Variants in IL1RAPL2 observed in about 807,000 individuals in gnomAD.
IL1RAPL2 encodes interleukin 1 receptor accessory protein like 2.
A neutral mutation model predicts 44.1 loss-of-function variants in IL1RAPL2; 3 were observed. The ratio of observed to expected loss-of-function variants is 0.07; its 90% CI spans 0.03 to 0.18. The LOEUF is 0.18. Ranked by LOEUF, IL1RAPL2 falls within the 10% of genes least tolerant of loss-of-function variation. IL1RAPL2 has a pLI of 1.00. For synonymous variants in IL1RAPL2, 181 were observed against 178.8 expected, an observed-to-expected ratio of 1.01 and a Z score of -0.10; for missense variants, 391 against 496.4, an observed-to-expected ratio of 0.79 and a Z score of 2.02.
chrX:105,615,962 G>A (rs773333621), intron 6 of IL1RAPL2, among the ~76,000 whole-genome samples: 1 of 111,006 alleles, frequency 9.0e-6, no homozygotes, highest in Admixed American at 9.6e-5. Flanking sequence ...CACCTACTAT[G>A]TACCCACAAA....
intron 6 of IL1RAPL2, among the ~76,000 whole-genome samples, chrX:105,673,178 T>C (rs1240582118): frequency 1.8e-5 from 2 of 111,907 alleles, no homozygotes; most frequent in African/African-American, 6.5e-5. Flanking sequence ...TTTTTAGTTT[T>C]AGTTCTGGGG....
chrX:105,344,916 T>C (rs1384847703), intron 5 of IL1RAPL2, among the ~76,000 whole-genome samples: 1 of 111,895 alleles, frequency 8.9e-6, no homozygotes, highest in Admixed American at 9.5e-5. Context: ...GAAGTATGAC[T>C]ATGAACATTT....
chrX:104,964,311 T>G (rs865905255), intron 2 of IL1RAPL2, among the ~76,000 whole-genome samples: 4 of 106,988 alleles, frequency 3.7e-5, no homozygotes, highest in African/African-American at 1.4e-4. Flanking sequence ...TTTATTTATT[T>G]ATTTATTTTA....
At chrX:104,767,371 C>A (rs1932575634) in intron 2 of IL1RAPL2, among the ~76,000 whole-genome samples, 2 of 111,801 alleles carry the variant, frequency 1.8e-5, no homozygotes, top group African/African-American at 3.3e-5. Flanking sequence ...TAGAAATAAC[C>A]AAACTGATTT....
chrX:105,202,012 A>G (rs2033721794), intron 3 of IL1RAPL2, among the ~76,000 whole-genome samples: 1 of 112,118 alleles, frequency 8.9e-6, no homozygotes, highest in Non-Finnish European at 1.9e-5. Context: ...GCAATTTGAT[A>G]ATCTACTTGT....
At chrX:104,798,681 A>G (rs1267098816) in intron 2 of IL1RAPL2, among the ~76,000 whole-genome samples, 1 of 110,465 alleles carries the variant, frequency 9.1e-6, no homozygotes, top group Non-Finnish European at 1.9e-5. Context: ...AAAATTTACA[A>G]GCTCATTTTT....
At chrX:105,118,809 C>G (rs2032889685) in intron 2 of IL1RAPL2, among the ~76,000 whole-genome samples, 1 of 112,085 alleles carries the variant, frequency 8.9e-6, no homozygotes, top group Non-Finnish European at 1.9e-5. Flanking sequence ...AAATGTTCAT[C>G]ATGTGCCATA....
chrX:104,799,003 A>G (rs1022521569), intron 2 of IL1RAPL2, among the ~76,000 whole-genome samples: 9 of 111,037 alleles, frequency 8.1e-5, no homozygotes, highest in Non-Finnish European at 1.7e-4. Context: ...TTATTATTAT[A>G]TATATGTTCT....
At chrX:105,513,248 T>A (rs2036484885) in intron 6 of IL1RAPL2, among the ~76,000 whole-genome samples, 1 of 111,842 alleles carries the variant, frequency 8.9e-6, no homozygotes, top group Non-Finnish European at 1.9e-5. Flanking sequence ...TGTGTCTTTA[T>A]AGTAGAATTA....
intron 2 of IL1RAPL2, among the ~76,000 whole-genome samples, chrX:104,704,191 G>A (rs1931326892): frequency 9.0e-6 from 1 of 111,652 alleles, no homozygotes; most frequent in African/African-American, 3.3e-5. Context: ...CTAATGTCAG[G>A]GATTGGACCT....
chrX:104,598,960 A>C (rs1162249908), intron 1 of IL1RAPL2, among the ~76,000 whole-genome samples: 1 of 112,462 alleles, frequency 8.9e-6, no homozygotes, highest in Non-Finnish European at 1.9e-5. Context: ...AAATGTCTTC[A>C]TTTATAAAGG....
At chrX:104,943,154 C>T (rs1569347482) in intron 2 of IL1RAPL2, among the ~76,000 whole-genome samples, 1 of 111,218 alleles carries the variant, frequency 9.0e-6, no homozygotes, top group African/African-American at 3.3e-5. Context: ...CTCAAATTCT[C>T]TTTTTTTAAT....
chrX:105,493,649 G>A (rs2036336820), intron 6 of IL1RAPL2, among the ~76,000 whole-genome samples: 1 of 111,179 alleles, frequency 9.0e-6, no homozygotes, highest in African/African-American at 3.3e-5. Context: ...CTAGTAAGCA[G>A]CTTGAAAGTA....
chrX:105,027,517 G>T (rs1255336970), intron 2 of IL1RAPL2, among the ~76,000 whole-genome samples: 1 of 111,694 alleles, frequency 9.0e-6, no homozygotes, highest in Non-Finnish European at 1.9e-5. Context: ...ATAGGCAAAT[G>T]ATTTGAATAG....
At chrX:105,181,632 C>T (rs919856909) in intron 2 of IL1RAPL2, among the ~76,000 whole-genome samples, 1 of 111,752 alleles carries the variant, frequency 8.9e-6, no homozygotes, top group Non-Finnish European at 1.9e-5. Context: ...CAAAGTTCCT[C>T]TTGTTTATTT....
At chrX:104,729,536 A>G (rs1203326613) in intron 2 of IL1RAPL2, among the ~76,000 whole-genome samples, 2 of 101,141 alleles carry the variant, frequency 2.0e-5, no homozygotes, top group Non-Finnish European at 3.9e-5. Flanking sequence ...TTTCATGGGT[A>G]CATATACAGG....
chrX:105,239,207 C>G (rs2034148116), intron 4 of IL1RAPL2, among the ~76,000 whole-genome samples: 1 of 112,251 alleles, frequency 8.9e-6, no homozygotes, highest in East Asian at 2.8e-4. Context: ...TGATACTTCT[C>G]TGTTTAGCCA....
chrX:105,020,552 C>T (rs2031267558), intron 2 of IL1RAPL2, among the ~76,000 whole-genome samples: 1 of 111,627 alleles, frequency 9.0e-6, no homozygotes, highest in African/African-American at 3.3e-5. Flanking sequence ...TTAGTACTTA[C>T]TACATAAGGC....
chrX:105,398,366 C>T (rs1311788571), intron 5 of IL1RAPL2, among the ~76,000 whole-genome samples: 1 of 110,390 alleles, frequency 9.1e-6, no homozygotes, highest in African/African-American at 3.3e-5. Flanking sequence ...CTTTGTTGAC[C>T]TATCATTTGC....
Sources: gnomAD v4.1 joint callset for allele counts (sites outside exome capture counted in the v4.1 genomes callset) on GRCh38, gnomAD v4.1.1 for gene constraint, MANE v1.5 for transcripts, NCBI Gene and HGNC (gene_info 2026-07-23, HGNC 2026-07-21) for gene names.